The following PTPN23 variants were observed in gnomAD, a reference collection of about 807,000 sequenced individuals.
The protein encoded by PTPN23 is protein tyrosine phosphatase non-receptor type 23, also known as tyrosine-protein phosphatase non-receptor type 23.
A neutral mutation model predicts 156.3 loss-of-function variants in PTPN23; 72 were observed. The observed-to-expected ratio is 0.46, with a 90% CI of 0.38 to 0.56. PTPN23 has a LOEUF of 0.56. Ranked by LOEUF, PTPN23 falls within the 20% of genes least tolerant of loss-of-function variation. The probability of loss-of-function intolerance (pLI) is 0.00; values close to 1 mark genes in which losing one functional copy is unlikely to be tolerated. For synonymous variants in PTPN23, 957 were observed against 899.6 expected (o/e 1.06, Z -1.14); for missense variants, 1,974 against 2,171.5 (o/e 0.91, Z 1.81).
At chr3:47,397,376 A>G (rs1704901075) in intron 2 of PTPN23, among the ~76,000 whole-genome samples, 1 of 152,240 alleles carries the variant, frequency 6.6e-6, no homozygotes, top group South Asian at 2.1e-4. Context: ...GAAGTGCAAT[A>G]AAATGAGGTA....
chr3:47,411,931 C>T lies in PTPN23; in HGVS notation c.4037C>T (p.Ser1346Phe). Residue 1346 changes from serine to phenylalanine, a missense_variant, in exon 21 of 25, where the codon TCT (serine) becomes TTT (phenylalanine). Physicochemically the swap from Ser to Phe is radical, Grantham distance 155. Around this residue, in one of 4 missense-constraint regions of PTPN23, gnomAD observed 484 missense variants for 516.0 expected, o/e 0.94. Coordinates refer to ENST00000265562, the MANE Select transcript of PTPN23 (RefSeq NM_015466.4). The surrounding 1 kb of genome is among the most constrained non-coding windows in gnomAD (Gnocchi z 6.3). ...LQFRDQSLKR[S>F]LVHLHFPTWP... ...TTCCGAGACCAGAGCCTCAAGCGCT[C>T]TCTTGTGCACCTGCACTTCCCCACT... 1 of 1,613,116 alleles carries T rather than the reference C, an allele frequency of 6.2e-7. No homozygotes were observed. Among genetic ancestry groups the T allele is most frequent in the Non-Finnish European group, 8.5e-7 (1 of 1,179,780 alleles).
intron 1 of PTPN23, among the ~76,000 whole-genome samples, chr3:47,387,410 A>AG (rs1257578237): frequency 6.6e-6 from 1 of 150,586 alleles, no homozygotes; most frequent in Non-Finnish European, 1.5e-5. Flanking sequence ...CTACAAAAAA[A>AG]AAAAAAAAAA....
Position 47,405,811 on chromosome 3 carries a change from G to T in PTPN23, c.414+13G>T. ...GGTGTCTGAGGAGGTGAGGAGAGGG[G>T]CAGTAGTGGAACATGTGGACATACC... is the stretch of plus-strand genomic sequence containing the variant. On this transcript the variant is annotated intron_variant, in intron 5 of 24. Coordinates refer to ENST00000265562, the MANE Select transcript of PTPN23 (RefSeq NM_015466.4). The surrounding 1 kb of genome is among the most constrained non-coding windows in gnomAD (Gnocchi z 4.7). The T allele has an allele frequency of 1.3e-6, 2 of 1,589,918 alleles. No homozygotes were observed. The highest frequency in any genetic ancestry group is 1.7e-6 in the Non-Finnish European group (2 of 1,167,690).
rs1160727661 is a variant in PTPN23 at position 47,405,153 on chromosome 3, G to T, written c.364+72G>T. 9 of 1,421,410 alleles carry T rather than the reference G, an allele frequency of 6.3e-6. No individual in the cohort carries two copies. The Admixed American group carries it at 1.5e-4, about 24-fold the overall frequency. The allele number at this position is 1,421,410 out of a possible 1,614,324, so 88.0% of individuals were successfully genotyped here. On this transcript the variant is annotated intron_variant, in intron 4 of 24. Coordinates refer to ENST00000265562, the MANE Select transcript of PTPN23 (RefSeq NM_015466.4). This position sits in a 1 kb window ranked among gnomAD's most constrained non-coding sequence, Gnocchi z 4.7. The stretch of plus-strand genomic sequence containing the variant: ...AGCCTAGCTTTCAGCTCTTCAGATG[G>T]CCACAAAGGCAGTGGGCTGATAAAG...
At chr3:47,402,969 G>T (rs752456853) in intron 2 of PTPN23, among the ~76,000 whole-genome samples, 2 of 152,094 alleles carry the variant, frequency 1.3e-5, no homozygotes, top group East Asian at 3.9e-4. Context: ...GCCTCCCAAA[G>T]TGCTAGGATT....
rs1336518608 is a variant in PTPN23, at chr3:47,410,191, G to T, written c.2393G>T (p.Gly798Val). 6.2e-7 allele frequency: 1 copy of T among 1,605,044 alleles called. No homozygotes were observed. The highest frequency in any genetic ancestry group is 1.7e-5 in the Admixed American group (1 of 59,174). The change falls in exon 20 of 25, where the codon GGC becomes GTC. Residue 798 changes from glycine (G) to valine (V), a missense_variant. By Grantham distance (109) the Gly-to-Val change is moderately radical (BLOSUM62 -3). Coordinates refer to ENST00000265562, the MANE Select transcript of PTPN23 (RefSeq NM_015466.4). ...SGPLPPGTYS[G>V]PTQLIQPRAP... is the part of the protein sequence containing the mutation. ...CCCTTGCCCCCTGGTACCTACTCGG[G>T]CCCCACCCAGCTGATACAGCCCAGG...
chr3:47,400,140 C>A (rs1050947268), intron 2 of PTPN23, among the ~76,000 whole-genome samples: 7 of 152,130 alleles, frequency 4.6e-5, no homozygotes, highest in Non-Finnish European at 1.0e-4. Context: ...TTGTGAAACC[C>A]CAGAACAAAT....
Position 47,409,233 on chromosome 3 carries a change from G to A in PTPN23, c.1713G>A (p.Val571=), listed in dbSNP as rs1035952790. 5 of 1,614,072 alleles carry A rather than the reference G, an allele frequency of 3.1e-6. No individual in the cohort carries two copies. The African/African-American group carries it at 6.7e-5, about 22-fold the overall frequency. ...AKVQEMRDQR[V]SLEQQLRELI... ...TGCAGGAGATGCGGGACCAGCGCGTGTCCCTGGAGCAGCAGCTGCGTGAGC... is the reference window on the plus strand; with the variant it reads ...TGCAGGAGATGCGGGACCAGCGCGTATCCCTGGAGCAGCAGCTGCGTGAGC... Residue 571 remains valine (V), a synonymous_variant, in exon 17 of 25, where the codon GTG becomes GTA. Transcript: ENST00000265562.
At position 47,411,889 on chromosome 3, in the gene PTPN23, G is replaced by A. The variant is rs730882229; in HGVS notation, c.3995G>A (p.Arg1332His). 23 of 1,613,156 alleles carry A rather than the reference G, an allele frequency of 1.4e-5. No individual in the cohort carries two copies. Among genetic ancestry groups the A allele is most frequent in the Admixed American group, 3.3e-5 (2 of 59,966 alleles). Residue 1332 changes from arginine (R) to histidine (H), a missense_variant, in exon 21 of 25, where the codon CGC (arginine) becomes CAC (histidine). Transcript: ENST00000265562. This position sits in a 1 kb window ranked among gnomAD's most constrained non-coding sequence, Gnocchi z 6.3. ...CGCAGCACCGAAACCCATGTGGAGCGCGTGCTGAGCCTGCAGTTCCGAGAC... is the reference window on the plus strand; with the variant it reads ...CGCAGCACCGAAACCCATGTGGAGCACGTGCTGAGCCTGCAGTTCCGAGAC... ...SVRSTETHVERVLSLQFRDQS... is the reference protein window; with the variant it reads ...SVRSTETHVEHVLSLQFRDQS...
At chr3:47,389,217 C>T (rs779599056) in intron 1 of PTPN23, among the ~76,000 whole-genome samples, 8 of 152,162 alleles carry the variant, frequency 5.3e-5, no homozygotes, top group Non-Finnish European at 1.0e-4. Context: ...ATATTTTCAC[C>T]TGAGCATCTT....
chr3:47,405,317 C>T lies in PTPN23; in HGVS notation c.364+236C>T. On this transcript the variant is annotated intron_variant, in intron 4 of 24. Transcript: ENST00000265562. This position sits in a 1 kb window ranked among gnomAD's most constrained non-coding sequence, Gnocchi z 4.7. ...GGCTGGCTGCCACACAGAGTTGCCA[C>T]TGTGTGCTCTGTCTGGGAGAGAGGG... 1 of 579,384 alleles carries T rather than the reference C, an allele frequency of 1.7e-6. No individual in the cohort carries two copies. Among genetic ancestry groups the T allele is most frequent in the South Asian group, 2.0e-5 (1 of 49,782 alleles). 35.9% of individuals were successfully genotyped at this position (579,384 alleles called of 1,614,324 possible).
rs200903606 is a variant in PTPN23 at position 47,411,817 on chromosome 3, G to A, written c.3923G>A (p.Gly1308Asp). 2.5e-6 allele frequency: 4 copies of A among 1,611,580 alleles called. No individual in the cohort carries two copies. Among genetic ancestry groups the A allele is most frequent in the African/African-American group, 2.7e-5 (2 of 74,794 alleles). Reference sequence around the variant, plus strand: ...GCACGCTACTTCCCCACCGAGAGGGGCCAGCCCATGGTGCACGGTGCCCTG... The same window carrying A: ...GCACGCTACTTCCCCACCGAGAGGGACCAGCCCATGGTGCACGGTGCCCTG... The part of the protein sequence containing the change: ...KVARYFPTER[G>D]QPMVHGALSL... Residue 1308 changes from glycine to aspartate, a missense_variant, in exon 21 of 25, where the codon GGC becomes GAC. Coordinates refer to ENST00000265562, the MANE Select transcript of PTPN23 (RefSeq NM_015466.4). The surrounding 1 kb of genome is among the most constrained non-coding windows in gnomAD (Gnocchi z 6.3).
chr3:47,410,577 G>A lies in PTPN23; in HGVS notation c.2779G>A (p.Gly927Arg), dbSNP rs142297724. Reference sequence around the variant, plus strand: ...GCCCACGCCTTACACCTACCCTGCAGGGGCTAAGCAACCCATCCCGGCACA... The same window carrying A: ...GCCCACGCCTTACACCTACCCTGCAAGGGCTAAGCAACCCATCCCGGCACA... ...PLPTPYTYPA[G>R]AKQPIPAQHH... Residue 927 changes from glycine (G) to arginine (R), a missense_variant, in exon 20 of 25, where the codon GGG (glycine) becomes AGG (arginine). Around this residue, in one of 4 missense-constraint regions of PTPN23, gnomAD observed 731 missense variants for 669.1 expected, o/e 1.09. Transcript: ENST00000265562. 105 of 1,589,248 alleles carry A rather than the reference G, an allele frequency of 6.6e-5. No homozygotes were observed. The Admixed American group carries it at 7.6e-4, about 11-fold the overall frequency.
chr3:47,397,596 G>A (rs1311488041), intron 2 of PTPN23, among the ~76,000 whole-genome samples: 2 of 152,138 alleles, frequency 1.3e-5, no homozygotes, highest in East Asian at 3.8e-4. Context: ...AGCAGTACTA[G>A]CAACTATTGC....
At chr3:47,382,849 T>A (rs1467552771) in intron 1 of PTPN23, among the ~76,000 whole-genome samples, 1 of 151,748 alleles carries the variant, frequency 6.6e-6, no homozygotes, top group African/African-American at 2.4e-5. Context: ...CCACCACCCC[T>A]GCCTAATTTT....
chr3:47,407,591 G>A lies in PTPN23; in HGVS notation c.1003+7G>A. On this transcript the variant is annotated splice_region_variant and intron_variant, in intron 12 of 24. Coordinates refer to ENST00000265562, the MANE Select transcript of PTPN23 (RefSeq NM_015466.4). The surrounding 1 kb of genome is among the most constrained non-coding windows in gnomAD (Gnocchi z 4.0). Reference sequence around the variant, plus strand: ...ACTCTTCAGCCTGTAAAAGGTCGGGGAGCTGAGAGGTGGGGGCAGAGGTGA... The same window carrying A: ...ACTCTTCAGCCTGTAAAAGGTCGGGAAGCTGAGAGGTGGGGGCAGAGGTGA... The A allele has an allele frequency of 6.2e-7, 1 of 1,612,350 alleles. No homozygotes were observed. Among genetic ancestry groups the A allele is most frequent in the Non-Finnish European group, 8.5e-7 (1 of 1,178,428 alleles).
chr3:47,389,254 A>G (rs1430843660), intron 1 of PTPN23, among the ~76,000 whole-genome samples: 1 of 152,152 alleles, frequency 6.6e-6, no homozygotes, highest in Non-Finnish European at 1.5e-5. Context: ...AATAACTCGA[A>G]TCCTTATGAC....
rs1704525244 is a variant in PTPN23, at chr3:47,381,092, C to T, written c.-5C>T. 1.3e-6 allele frequency: 2 copies of T among 1,567,774 alleles called. No homozygotes were observed. The highest frequency in any genetic ancestry group is 3.8e-5 in the Admixed American group (2 of 52,974). Reference sequence around the variant, plus strand: ...TGGCCGGGTGGCCGGCGGGTGCCAGCCGCCATGGAGGCCGTGCCCCGCATG... The same window carrying T: ...TGGCCGGGTGGCCGGCGGGTGCCAGTCGCCATGGAGGCCGTGCCCCGCATG... On this transcript the variant is annotated 5_prime_UTR_variant, in exon 1 of 25. Coordinates refer to ENST00000265562, the MANE Select transcript of PTPN23 (RefSeq NM_015466.4).
In PTPN23 at chr3:47,381,156, T is replaced by C. The variant is rs1353974657; in HGVS notation, c.60T>C (p.Phe20=). 2.5e-6 allele frequency: 4 copies of C among 1,591,270 alleles called. No homozygotes were observed. The highest frequency in any genetic ancestry group is 1.7e-4 in the Middle Eastern group (1 of 6,034). The change falls in exon 1 of 25, where the codon TTT becomes TTC. Residue 20 remains phenylalanine, a synonymous_variant. Coordinates refer to ENST00000265562, the MANE Select transcript of PTPN23 (RefSeq NM_015466.4). The stretch of plus-strand genomic sequence containing the variant: ...TGGACCTGAAGGAGGCCGGTGACTT[T>C]CACTTCCAGCCAGCTGTGAAGAAGG... ...IWLDLKEAGD[F]HFQPAVKKFV...
Sources: gnomAD v4.1 joint callset for allele counts (sites outside exome capture counted in the v4.1 genomes callset) on GRCh38, gnomAD v4.1.1 for gene constraint, gnomAD v4.1.1 regional missense constraint, Gnocchi (gnomAD v3.1) non-coding constraint, MANE v1.5 for transcripts, NCBI Gene and HGNC (gene_info 2026-07-23, HGNC 2026-07-21) for gene names.